Variants in SELE observed in about 807,000 individuals in gnomAD.
The protein encoded by SELE is selectin E, also known as E-selectin.
Under a neutral mutation model 75.8 loss-of-function variants are expected in SELE, and 52 were observed. The ratio of observed to expected loss-of-function variants is 0.69; its 90% CI spans 0.55 to 0.86. The LOEUF (loss-of-function observed/expected upper bound fraction) is 0.86. Ranked by LOEUF, SELE falls within the 40% of genes least tolerant of loss-of-function variation. The pLI is 0.00. For synonymous variants in SELE, 285 were observed against 258.7 expected (o/e 1.10, Z -0.98); for missense variants, 754 against 732.7 (o/e 1.03, Z -0.34).
intron 7 of SELE, 121 bp downstream of exon 7, chr1:169,729,065 G>C: frequency 1.3e-6 from 1 of 795,810 alleles, no homozygotes; most frequent in Non-Finnish European, 2.0e-6. Context: ...TCAAAGATAC[G>C]AGGGTTGCTC....
intron 10 of SELE, among the ~76,000 whole-genome samples, chr1:169,727,065 A>G (rs945357755): frequency 6.6e-6 from 1 of 152,132 alleles, no homozygotes; most frequent in Non-Finnish European, 1.5e-5. Context: ...CTTGGTTAAT[A>G]AACACTGCAC....
In SELE at chr1:169,722,974, T is replaced by C. The variant is rs546518706; in HGVS notation, c.*1551A>G. On this transcript the variant is annotated 3_prime_UTR_variant, in exon 14 of 14. Coordinates refer to ENST00000333360, the MANE Select transcript of SELE (RefSeq NM_000450.2). ...TTCTGATCCTTATCACATCTCTGTT[T>C]TGACTGTTGGCTTTGTTGTTGCCAG... 4.2e-4 allele frequency: 64 copies of C among 152,364 alleles called. No individual in the cohort carries two copies. The highest frequency in any genetic ancestry group is 1.5e-3 in the African/African-American group (63 of 41,600). The allele number at this position is 152,364 out of a possible 1,614,324, so 9.4% of individuals were successfully genotyped here. A position where few individuals can be genotyped will look rare whatever the true frequency, so the allele number is the denominator to read the frequency against.
rs1362150717 is a variant in SELE, at chr1:169,727,945, G to A, written c.1280-18C>T. Reference sequence around the variant, plus strand: ...TCTCACAGCTGGAACACACGAGAGAGCACTTTAGAAGTTTGTTTGCATCTC... The same window carrying A: ...TCTCACAGCTGGAACACACGAGAGAACACTTTAGAAGTTTGTTTGCATCTC... On this transcript the variant is annotated intron_variant, in intron 8 of 13. Coordinates refer to ENST00000333360, the MANE Select transcript of SELE (RefSeq NM_000450.2). 1 of 1,608,544 alleles carries A rather than the reference G, an allele frequency of 6.2e-7. No individual in the cohort carries two copies. Among genetic ancestry groups the A allele is most frequent in the Non-Finnish European group, 8.5e-7 (1 of 1,176,996 alleles).
chr1:169,728,000 T>C (rs1349650296), intron 8 of SELE, 58 bp downstream of exon 8: 2 of 1,585,296 alleles, frequency 1.3e-6, no homozygotes, highest in Non-Finnish European at 1.7e-6. Context: ...GTAACCAAGT[T>C]CCCAAGCTCT....
intron 5 of SELE, 114 bp downstream of exon 5, chr1:169,730,318 A>G: frequency 1.0e-6 from 1 of 1,004,856 alleles, no homozygotes; most frequent in African/African-American, 1.9e-5. Flanking sequence ...TGTATTAAAA[A>G]CAAAAACAAA....
chr1:169,724,880 G>T (rs3917437), intron 13 of SELE, among the ~76,000 whole-genome samples: 1 of 152,096 alleles, frequency 6.6e-6, no homozygotes, highest in African/African-American at 2.4e-5. Context: ...ACTTAAAACC[G>T]CACACACAAA....
Position 169,729,639 on chromosome 1 carries a change from A to G in SELE, c.750T>C (p.Asn250=). The change falls in exon 6 of 14, where the codon AAT becomes AAC. Residue 250 remains asparagine, a synonymous_variant. Transcript: ENST00000333360. ...VECDAVTNPA[N]GFVECFQNPG... is the part of the protein sequence containing the mutation. ...GGTTTTGGAAACATTCCACGAACCC[A>G]TTGGCTGGATTTGTCACAGCATCAC... The G allele has an allele frequency of 6.2e-7, 1 of 1,614,154 alleles. No homozygotes were observed. Among genetic ancestry groups the G allele is most frequent in the East Asian group, 2.2e-5 (1 of 44,884 alleles).
At chr1:169,729,158 A>G (rs1041787205) in intron 7 of SELE, 28 bp downstream of exon 7, 3 of 1,546,038 alleles carry the variant, frequency 1.9e-6, no homozygotes, top group African/African-American at 1.4e-5. Flanking sequence ...TCTTTAAGAA[A>G]GTATAAATCG....
intron 11 of SELE, among the ~76,000 whole-genome samples, chr1:169,726,282 T>C (rs1043212565): frequency 1.5e-4 from 23 of 152,352 alleles, no homozygotes; most frequent in African/African-American, 5.3e-4. Context: ...CTCTTAAACA[T>C]GTAAGCCAAA....
Position 169,725,879 on chromosome 1 carries a change from G to T in SELE, c.1775+28C>A, listed in dbSNP as rs1191230238. 7 of 1,613,976 alleles carry T rather than the reference G, an allele frequency of 4.3e-6. No individual in the cohort carries two copies. In the South Asian group the frequency reaches 6.6e-5, roughly 15 times the overall value. On this transcript the variant is annotated intron_variant, in intron 12 of 13. Coordinates refer to ENST00000333360, the MANE Select transcript of SELE (RefSeq NM_000450.2). ...AGAAAAATATGTGGAATGTTCAATG[G>T]CATGCTTTGTATAAGAATGCAACTT...
At chr1:169,724,960 C>T (rs546644333) in intron 13 of SELE, among the ~76,000 whole-genome samples, 6 of 152,150 alleles carry the variant, frequency 3.9e-5, no homozygotes, top group African/African-American at 7.2e-5. Flanking sequence ...CAAAGCAGGT[C>T]GGAGTAGTTA....
Position 169,730,688 on chromosome 1 carries a change from C to A in SELE, c.530-71G>T, listed in dbSNP as rs3917418. 2,813 of 890,916 alleles carry A rather than the reference C, an allele frequency of 3.2e-3. 54 individuals are homozygous for A. The African/African-American group carries it at 0.043, about 14-fold the overall frequency. 55.2% of individuals were successfully genotyped at this position (890,916 alleles called of 1,614,324 possible). A position where few individuals can be genotyped will look rare whatever the true frequency, so the allele number is the denominator to read the frequency against. The stretch of plus-strand genomic sequence containing the variant: ...CAGATAAGAACACTGGAAACTAGAA[C>A]TACAGTTTGGTTTTTTTTTTTTTTA... On this transcript the variant is annotated intron_variant, in intron 4 of 13. Coordinates refer to ENST00000333360, the MANE Select transcript of SELE (RefSeq NM_000450.2).
At chr1:169,731,399 C>G (rs1648908314) in intron 4 of SELE, 1 of 157,084 alleles carries the variant, frequency 6.4e-6, no homozygotes, top group African/African-American at 2.4e-5. Flanking sequence ...ATTACAGAGC[C>G]AGAGGCCAGA....
Position 169,726,823 on chromosome 1 carries a change from C to T in SELE, c.1646-17G>A, listed in dbSNP as rs769123424. On this transcript the variant is annotated splice_polypyrimidine_tract_variant and intron_variant, in intron 10 of 13. Transcript: ENST00000333360. ...CAGTGGGAGCTAAGGAAGTAAGAGA[C>T]GAAGAAAGGTCATGAGGAAGAATTG... 1.0e-5 allele frequency: 16 copies of T among 1,562,762 alleles called. No homozygotes were observed. Among genetic ancestry groups the T allele is most frequent in the East Asian group, 4.5e-5 (2 of 44,598 alleles).
Position 169,725,794 on chromosome 1 carries a change from G to T in SELE, c.1783C>A (p.Gln595Lys), listed in dbSNP as rs201045157. The T allele has an allele frequency of 1.2e-6, 2 of 1,613,896 alleles. No homozygotes were observed. Among genetic ancestry groups the T allele is most frequent in the African/African-American group, 2.7e-5 (2 of 74,898 alleles). ...TAGCTTCCATCTGATTCAAGGCTTT[G>T]GCAGCTGCTGTGGAATACATGAGAA... ...AKKFVPASSCQSLESDGSYQK... is the reference protein window; with the variant it reads ...AKKFVPASSCKSLESDGSYQK... Residue 595 changes from glutamine (Q) to lysine (K), a missense_variant, in exon 13 of 14, where the codon CAA becomes AAA. By Grantham distance (53) the Gln-to-Lys change is moderately conservative (BLOSUM62 1). Coordinates refer to ENST00000333360, the MANE Select transcript of SELE (RefSeq NM_000450.2).
chr1:169,732,533 G>A, intron 3 of SELE, 82 bp downstream of exon 3: 1 of 1,463,114 alleles, frequency 6.8e-7, no homozygotes, highest in Non-Finnish European at 9.1e-7. Flanking sequence ...GACCACAATA[G>A]AGAGCAGTTT....
Position 169,732,942 on chromosome 1 carries a change from T to A in SELE, c.94A>T (p.Thr32Ser). Residue 32 changes from threonine to serine, a missense_variant, in exon 3 of 14, where the codon ACT (threonine) becomes TCT (serine). Coordinates refer to ENST00000333360, the MANE Select transcript of SELE (RefSeq NM_000450.2). Reference sequence around the variant, plus strand: ...CAATAAGCACTGGCCTCATCATAAGTCATAGCTTCCGTGGAGGTGTTGTAA... The same window carrying A: ...CAATAAGCACTGGCCTCATCATAAGACATAGCTTCCGTGGAGGTGTTGTAA... ...WSYNTSTEAM[T>S]YDEASAYCQQ... 1 of 1,612,788 alleles carries A rather than the reference T, an allele frequency of 6.2e-7. No individual in the cohort carries two copies. The highest frequency in any genetic ancestry group is 8.5e-7 in the Non-Finnish European group (1 of 1,179,662).
intron 6 of SELE, 35 bp downstream of exon 6, chr1:169,729,453 T>C (rs754508099): frequency 3.0e-5 from 48 of 1,610,008 alleles, no homozygotes; most frequent in Non-Finnish European, 3.9e-5. Flanking sequence ...AGAGAAAGAA[T>C]GTTCACAGTA....
chr1:169,731,165 C>T (rs1417304450), intron 4 of SELE, among the ~76,000 whole-genome samples: 1 of 152,174 alleles, frequency 6.6e-6, no homozygotes, highest in Non-Finnish European at 1.5e-5. Context: ...TTCAGTTCCT[C>T]AGTGTCACCA....
Sources: gnomAD v4.1 joint callset for allele counts (sites outside exome capture counted in the v4.1 genomes callset) on GRCh38, gnomAD v4.1.1 for gene constraint, MANE v1.5 for transcripts, NCBI Gene and HGNC (gene_info 2026-07-23, HGNC 2026-07-21) for gene names.